DPP4: variants seen among roughly 807,000 people sequenced by gnomAD.
DPP4 encodes ADCP-2.
Under a neutral mutation model 122.4 loss-of-function variants are expected in DPP4, and 93 were observed. That is an observed-to-expected ratio of 0.76 (90% CI 0.64 to 0.90). The LOEUF is 0.90. DPP4 is among the 40% of genes least tolerant of loss of function. The probability of loss-of-function intolerance (pLI) is 0.00; values close to 1 mark genes in which losing one functional copy is unlikely to be tolerated. For synonymous variants in DPP4, 321 were observed against 302.9 expected (o/e 1.06, Z -0.62); for missense variants, 914 against 907.3 (o/e 1.01, Z -0.09).
chr2:161,998,433 A>G (rs994535380), intron 23 of DPP4, among the ~76,000 whole-genome samples: 3 of 152,142 alleles, frequency 2.0e-5, no homozygotes, highest in Admixed American at 2.0e-4. Context: ...TGCTCGCGGA[A>G]GACAGTCAAC....
chr2:162,009,101 C>T, intron 21 of DPP4, 140 bp downstream of exon 21: 1 of 830,164 alleles, frequency 1.2e-6, no homozygotes, highest in Non-Finnish European at 2.0e-6. Context: ...AGTGGAGATT[C>T]TGCAGAGTTA....
chr2:162,053,352 T>A (rs1159615076), intron 2 of DPP4, among the ~76,000 whole-genome samples: 1 of 152,206 alleles, frequency 6.6e-6, no homozygotes, highest in Non-Finnish European at 1.5e-5. Flanking sequence ...GTCCAATGTT[T>A]TGGTTTCCCT....
At chr2:162,036,052 C>T (rs1473966190) in intron 8 of DPP4, among the ~76,000 whole-genome samples, 1 of 152,134 alleles carries the variant, frequency 6.6e-6, no homozygotes, top group East Asian at 1.9e-4. Context: ...TAGCTCTTCC[C>T]TATGATTATT....
chr2:162,046,749 A>T, intron 4 of DPP4, 166 bp downstream of exon 4: 1 of 680,736 alleles, frequency 1.5e-6, no homozygotes, highest in Non-Finnish European at 2.7e-6. Context: ...GGAGACTAAA[A>T]AGTAGCCAAG....
At chr2:162,057,234 G>T (rs1684609685) in intron 2 of DPP4, among the ~76,000 whole-genome samples, 1 of 152,196 alleles carries the variant, frequency 6.6e-6, no homozygotes, top group African/African-American at 2.4e-5. Flanking sequence ...TATCTGTGCA[G>T]TGGGCAAGAA....
At chr2:161,999,321 T>C (rs1701086427) in intron 23 of DPP4, among the ~76,000 whole-genome samples, 1 of 152,208 alleles carries the variant, frequency 6.6e-6, no homozygotes, top group African/African-American at 2.4e-5. Context: ...ATTGTGCTAT[T>C]TTAACCTACC....
chr2:162,020,165 C>T, intron 14 of DPP4, 64 bp downstream of exon 14: 1 of 1,407,276 alleles, frequency 7.1e-7, no homozygotes, highest in Admixed American at 2.1e-5. Flanking sequence ...TTCCCTACTT[C>T]TGGGCAAAGA....
rs758600892 is a variant in DPP4, at chr2:162,019,215, GCT to G, written c.1298+6_1298+7del. The stretch of plus-strand genomic sequence containing the variant: ...TGACTCAAGTCAACAACTTGACAGA[GCT>G]CTTACTTATAAAGATTCCTTCCTCC... On this transcript the variant is annotated splice_donor_region_variant and intron_variant, in intron 15 of 25. Coordinates refer to ENST00000360534, the MANE Select transcript of DPP4 (RefSeq NM_001935.4). 1 of 1,594,782 alleles carries G rather than the reference GCT, an allele frequency of 6.3e-7. No homozygotes were observed. The highest frequency in any genetic ancestry group is 8.6e-7 in the Non-Finnish European group (1 of 1,166,524).
chr2:162,020,542 AAG>A (rs1491015069), intron 13 of DPP4, 37 bp downstream of exon 13: 1 of 1,509,568 alleles, frequency 6.6e-7, no homozygotes, highest in Non-Finnish European at 9.0e-7. Flanking sequence ...AAAAAAAAAA[AAG>A]AGGTCAACAT....
chr2:162,026,972 C>A (rs1180601385), intron 10 of DPP4, among the ~76,000 whole-genome samples: 1 of 152,130 alleles, frequency 6.6e-6, no homozygotes, highest in East Asian at 1.9e-4. Flanking sequence ...CTTTGTAGCA[C>A]AAATGTAGCC....
intron 2 of DPP4, among the ~76,000 whole-genome samples, chr2:162,059,418 T>G (rs1452950450): frequency 1.3e-5 from 2 of 152,072 alleles, no homozygotes; most frequent in Non-Finnish European, 2.9e-5. Flanking sequence ...ACTTGAAAGG[T>G]GGAAAGTTCT....
intron 1 of DPP4, 81 bp from the exon 2 acceptor site, chr2:162,073,567 G>A (rs1685200481): frequency 1.4e-6 from 2 of 1,428,008 alleles, no homozygotes; most frequent in Non-Finnish European, 2.0e-6. Flanking sequence ...CTGCTCCAGA[G>A]GCAGCAGGAT....
chr2:161,996,075 G>C (rs1700992912), intron 23 of DPP4, among the ~76,000 whole-genome samples: 1 of 151,362 alleles, frequency 6.6e-6, no homozygotes, highest in Non-Finnish European at 1.5e-5. Flanking sequence ...CAAGAAATAG[G>C]ATAAAAAAAA....
intron 9 of DPP4, among the ~76,000 whole-genome samples, chr2:162,034,647 C>T (rs754361814): frequency 2.6e-4 from 40 of 152,258 alleles, no homozygotes; most frequent in African/African-American, 5.8e-4. Flanking sequence ...GCAACCCTGA[C>T]GAGGAGAACA....
In DPP4 at chr2:162,019,242, C is replaced by T; in HGVS notation, c.1279G>A (p.Gly427Arg). The T allele has an allele frequency of 6.3e-7, 1 of 1,596,214 alleles. No individual in the cohort carries two copies. ...YISNEYKGMP[G>R]GRNLYKIQLS... ...TCTTACTTATAAAGATTCCTTCCTC[C>T]TGGCATTCCTTTATATTCATTACTA... Residue 427 changes from glycine (G) to arginine (R), a missense_variant, in exon 15 of 26, where the codon GGA (glycine) becomes AGA (arginine). Transcript: ENST00000360534.
At chr2:162,009,748 GC>G (rs1369134957) in intron 20 of DPP4, among the ~76,000 whole-genome samples, 3 of 152,086 alleles carry the variant, frequency 2.0e-5, no homozygotes, top group Admixed American at 2.0e-4. Context: ...ATGTCTCCGG[GC>G]CCCCTACCTG....
At position 162,039,127 on chromosome 2, in the gene DPP4, C is replaced by T; in HGVS notation, c.419+5G>A. The T allele has an allele frequency of 6.2e-7, 1 of 1,612,898 alleles. No homozygotes were observed. Among genetic ancestry groups the T allele is most frequent in the Non-Finnish European group, 8.5e-7 (1 of 1,179,224 alleles). On this transcript the variant is annotated splice_donor_5th_base_variant and intron_variant, in intron 6 of 25. Coordinates refer to ENST00000360534, the MANE Select transcript of DPP4 (RefSeq NM_001935.4). Reference sequence around the variant, plus strand: ...CCTAATAGATTTTATTGGGAAGTCACTGACCTTTTATTTAAATCATAAATG... The same window carrying T: ...CCTAATAGATTTTATTGGGAAGTCATTGACCTTTTATTTAAATCATAAATG...
At chr2:162,070,106 C>T (rs965266212) in intron 2 of DPP4, among the ~76,000 whole-genome samples, 6 of 152,062 alleles carry the variant, frequency 3.9e-5, no homozygotes, top group Non-Finnish European at 7.4e-5. Flanking sequence ...AGTATTTTTA[C>T]GTATTTCTCA....
In DPP4 at chr2:161,993,394, G is replaced by A; in HGVS notation, c.2200-10C>T. 1.3e-6 allele frequency: 2 copies of A among 1,583,188 alleles called. No individual in the cohort carries two copies. Among genetic ancestry groups the A allele is most frequent in the Non-Finnish European group, 1.7e-6 (2 of 1,154,918 alleles). ...CTTCATCAGTATACCACTAGAGAGA[G>A]AAAGAAAAGAAGTTAGAATTAGGAA... is the stretch of plus-strand genomic sequence containing the variant. On this transcript the variant is annotated splice_polypyrimidine_tract_variant and intron_variant, in intron 25 of 25. Coordinates refer to ENST00000360534, the MANE Select transcript of DPP4 (RefSeq NM_001935.4).
Sources: gnomAD v4.1 joint callset for allele counts (sites outside exome capture counted in the v4.1 genomes callset) on GRCh38, gnomAD v4.1.1 for gene constraint, MANE v1.5 for transcripts, NCBI Gene and HGNC (gene_info 2026-07-23, HGNC 2026-07-21) for gene names.